DNAI3: variants seen among roughly 807,000 people sequenced by gnomAD.
DNAI3 encodes the protein WD repeat domain 63.
In DNAI3, 83 loss-of-function variants were observed where a neutral mutation model predicts 115.5. The observed-to-expected ratio is 0.72, with a 90% confidence interval of 0.60 to 0.86. DNAI3 has a LOEUF of 0.86. DNAI3 is among the 40% of genes least tolerant of loss of function. The pLI is 0.00. For missense variants in DNAI3, 1,004 were observed against 1,075.8 expected (o/e 0.93, Z 0.93); for synonymous variants, 320 against 347.0 (o/e 0.92, Z 0.86).
chr1:85,108,286 T>A, intron 15 of DNAI3, 109 bp downstream of exon 15: 1 of 1,216,590 alleles, frequency 8.2e-7, no homozygotes, highest in Non-Finnish European at 1.1e-6. Flanking sequence ...CAGCTCAGAT[T>A]AACACAAGAC....
In DNAI3 at chr1:85,108,197, T is replaced by A; in HGVS notation, c.1698+20T>A. Reference sequence around the variant, plus strand: ...ACTAAGGTAAGTAATGTGGGGTTTTTAGTCCATCCTGCTTGCATAATACAC... The same window carrying A: ...ACTAAGGTAAGTAATGTGGGGTTTTAAGTCCATCCTGCTTGCATAATACAC... On this transcript the variant is annotated intron_variant, in intron 15 of 22. Transcript: ENST00000294664. The A allele has an allele frequency of 6.4e-7, 1 of 1,568,006 alleles. No individual in the cohort carries two copies. The highest frequency in any genetic ancestry group is 8.6e-7 in the Non-Finnish European group (1 of 1,163,704).
rs1654689094 is a variant in DNAI3 at position 85,083,423 on chromosome 1, G to T, written c.390+1019G>T. 3.3e-5 allele frequency among the ~76,000 whole-genome samples: 5 copies of T among 152,176 alleles called. No homozygotes were observed. In the South Asian group the frequency reaches 1.0e-3, roughly 32 times the overall value. On this transcript the variant is annotated intron_variant, in intron 5 of 22. Transcript: ENST00000294664. The stretch of plus-strand genomic sequence containing the variant: ...GATCACTTGGGCCGGAAAGGTGGAG[G>T]TTGCAGTGAGCCATGATCATGCCCC...
intron 16 of DNAI3, among the ~76,000 whole-genome samples, chr1:85,111,852 A>G (rs111890595): frequency 3.9e-5 from 6 of 152,280 alleles, no homozygotes; most frequent in African/African-American, 1.4e-4. Context: ...ATGCTTTGAC[A>G]TATGTACACA....
At chr1:85,107,646 G>C (rs1655528976) in intron 14 of DNAI3, among the ~76,000 whole-genome samples, 1 of 152,182 alleles carries the variant, frequency 6.6e-6, no homozygotes, top group Admixed American at 6.5e-5. Context: ...AGGTGGGAGA[G>C]TGTGATGAAA....
At position 85,108,035 on chromosome 1, in the gene DNAI3, C is replaced by T; in HGVS notation, c.1556C>T (p.Thr519Ile). 1 of 1,553,332 alleles carries T rather than the reference C, an allele frequency of 6.4e-7. No homozygotes were observed. Among genetic ancestry groups the T allele is most frequent in the Non-Finnish European group, 8.6e-7 (1 of 1,156,280 alleles). ...CQLVTCSADCTICFWDIRPQK... is the reference protein window; with the variant it reads ...CQLVTCSADCIICFWDIRPQK... ...AAATATATATAAATTTTTTTTAGCA[C>T]AATATGTTTTTGGGATATTAGACCA... is the stretch of plus-strand genomic sequence containing the variant. The change falls in exon 15 of 23, where the codon ACA becomes ATA. Residue 519 changes from threonine (T) to isoleucine (I), a missense_variant and splice_region_variant. Around this residue, in one of 3 missense-constraint regions of DNAI3, gnomAD observed 429 missense variants for 454.3 expected, o/e 0.94. Transcript: ENST00000294664.
At chr1:85,132,752 A>G in intron 22 of DNAI3, 103 bp from the exon 23 acceptor site, 1 of 1,447,566 alleles carries the variant, frequency 6.9e-7, no homozygotes, top group South Asian at 1.4e-5. Context: ...CTTTCCAGAA[A>G]ACAGCAGCCA....
At chr1:85,084,122 A>AT (rs11314442) in intron 5 of DNAI3, among the ~76,000 whole-genome samples, 47 of 140,990 alleles carry the variant, frequency 3.3e-4, no homozygotes, top group Non-Finnish European at 4.1e-4. Context: ...CATTTGGTTG[A>AT]TTTTTTTTTT....
chr1:85,097,688 T>C, intron 12 of DNAI3, 33 bp downstream of exon 12: 3 of 1,581,636 alleles, frequency 1.9e-6, no homozygotes, highest in Non-Finnish European at 2.6e-6. Context: ...CTTGCAAGTT[T>C]TTTCCATTGA....
intron 3 of DNAI3, 30 bp downstream of exon 3, chr1:85,073,122 T>C: frequency 6.7e-7 from 1 of 1,483,272 alleles, no homozygotes; most frequent in Non-Finnish European, 9.1e-7. Context: ...ACAACTTACA[T>C]CCTCAGTTTT....
chr1:85,113,076 T>C (rs1010064187), intron 16 of DNAI3, among the ~76,000 whole-genome samples: 6 of 152,222 alleles, frequency 3.9e-5, no homozygotes, highest in Non-Finnish European at 8.8e-5. Context: ...GCCTGTTTGT[T>C]TTCTTATTAT....
In DNAI3 at chr1:85,094,453, C is replaced by T. The variant is rs2100582014; in HGVS notation, c.1071C>T (p.Ala357=). The T allele has an allele frequency of 4.3e-6, 7 of 1,614,106 alleles. No individual in the cohort carries two copies. The highest frequency in any genetic ancestry group is 1.6e-4 in the Middle Eastern group (1 of 6,062). Residue 357 remains alanine, a synonymous_variant, in exon 10 of 23, where the codon GCC becomes GCT. Transcript: ENST00000294664. Reference sequence around the variant, plus strand: ...CAGGGCTAATAGCTGTGTCGGTAGCCGTGCGACTTTCTTTTGAAGACAGAG... The same window carrying T: ...CAGGGCTAATAGCTGTGTCGGTAGCTGTGCGACTTTCTTTTGAAGACAGAG... ...TIYGLIAVSV[A]VRLSFEDRVH... is the part of the protein sequence containing the mutation.
intron 3 of DNAI3, among the ~76,000 whole-genome samples, chr1:85,079,562 G>A (rs1239864703): frequency 6.6e-6 from 1 of 152,176 alleles, no homozygotes; most frequent in African/African-American, 2.4e-5. Flanking sequence ...GGGCGTGGGT[G>A]CTAGAGGAGA....
At chr1:85,097,931 G>A (rs1189432977) in intron 12 of DNAI3, among the ~76,000 whole-genome samples, 1 of 152,198 alleles carries the variant, frequency 6.6e-6, no homozygotes, top group African/African-American at 2.4e-5. Flanking sequence ...AAGGGACCAA[G>A]TGACTTGCCT....
rs374241760 is a variant in DNAI3, at chr1:85,067,134, G to A, written c.-15+4648G>A. Among the ~76,000 whole-genome samples the A allele has an allele frequency of 3.4e-4, 51 of 152,130 alleles. 1 individual carries two copies. The East Asian group carries it at 6.0e-3, about 18-fold the overall frequency. On this transcript the variant is annotated intron_variant, in intron 1 of 22. Transcript: ENST00000294664. The stretch of plus-strand genomic sequence containing the variant: ...CCTTTCAGTTTAGACTATATTCACC[G>A]GGCTCTCTTCAGCTTATAAATGTTT...
At chr1:85,095,302 A>C (rs1655091537) in intron 10 of DNAI3, among the ~76,000 whole-genome samples, 1 of 152,176 alleles carries the variant, frequency 6.6e-6, no homozygotes, top group African/African-American at 2.4e-5. Context: ...AGTATTCATA[A>C]TTAAGACTTT....
intron 6 of DNAI3, among the ~76,000 whole-genome samples, chr1:85,085,340 G>GAACT (rs1326805218): frequency 6.6e-6 from 1 of 152,182 alleles, no homozygotes; most frequent in African/African-American, 2.4e-5. Context: ...CCTCTCAAAG[G>GAACT]AACTCCTGTG....
At chr1:85,129,929 C>A in intron 21 of DNAI3, 61 bp from the exon 22 acceptor site, 1 of 1,550,336 alleles carries the variant, frequency 6.5e-7, no homozygotes, top group Non-Finnish European at 8.7e-7. Flanking sequence ...CTAACAGAGC[C>A]TTGTAAAGGT....
At chr1:85,123,480 C>CT (rs1374830843) in intron 18 of DNAI3, among the ~76,000 whole-genome samples, 3 of 152,186 alleles carry the variant, frequency 2.0e-5, no homozygotes, top group African/African-American at 7.2e-5. Context: ...TGTAAAAGCA[C>CT]TAAACACTTC....
chr1:85,086,375 A>G (rs1489917006), intron 7 of DNAI3, among the ~76,000 whole-genome samples: 4 of 152,156 alleles, frequency 2.6e-5, no homozygotes, highest in Non-Finnish European at 5.9e-5. Flanking sequence ...TTAAACATCA[A>G]ATCAGATGGT....
Sources: gnomAD v4.1 joint callset for allele counts (sites outside exome capture counted in the v4.1 genomes callset) on GRCh38, gnomAD v4.1.1 for gene constraint, gnomAD v4.1.1 regional missense constraint, MANE v1.5 for transcripts, NCBI Gene and HGNC (gene_info 2026-07-23, HGNC 2026-07-21) for gene names.